The following SLCO2B1 variants were observed in gnomAD, a reference collection of about 807,000 sequenced individuals.
SLCO2B1 encodes the protein solute carrier organic anion transporter family member 2B1.
A neutral mutation model predicts 67.3 loss-of-function variants in SLCO2B1; 41 were observed. That is an observed-to-expected ratio of 0.61 (90% CI 0.47 to 0.79). SLCO2B1 has a LOEUF of 0.79. SLCO2B1 is among the 30% of genes least tolerant of loss of function. SLCO2B1 has a pLI of 0.00. For missense variants in SLCO2B1, 837 were observed against 920.1 expected, an observed-to-expected ratio of 0.91 and a Z score of 1.17; for synonymous variants, 379 against 381.4, an observed-to-expected ratio of 0.99 and a Z score of 0.07.
intron 7 of SLCO2B1, among the ~76,000 whole-genome samples, chr11:75,173,925 C>T (rs1358491206): frequency 1.3e-5 from 2 of 152,208 alleles, no homozygotes; most frequent in Admixed American, 1.3e-4. Context: ...GCCTCAGCCT[C>T]CCAAATAGCT....
In SLCO2B1 at chr11:75,196,554, G is replaced by A. The variant is rs752102813; in HGVS notation, c.1474G>A (p.Ala492Thr). Residue 492 changes from alanine to threonine, a missense_variant, in exon 10 of 14, where the codon GCC (alanine) becomes ACC (threonine). Transcript: ENST00000289575. Reference sequence around the variant, plus strand: ...GGAGCTGTCTCCAAGCTGCATGGAGGCCTGCTCCTGCCCATTGGACGGCTT... The same window carrying A: ...GGAGCTGTCTCCAAGCTGCATGGAGACCTGCTCCTGCCCATTGGACGGCTT... ...GLELSPSCME[A>T]CSCPLDGFNP... The A allele has an allele frequency of 2.7e-5, 43 of 1,613,960 alleles. No individual in the cohort carries two copies. Among genetic ancestry groups the A allele is most frequent in the Non-Finnish European group, 3.6e-5 (43 of 1,180,012 alleles).
intron 8 of SLCO2B1, among the ~76,000 whole-genome samples, chr11:75,192,053 C>T (rs578129410): frequency 2.6e-5 from 4 of 152,230 alleles, no homozygotes; most frequent in Middle Eastern, 3.4e-3. Context: ...ATTTGCCCCT[C>T]CTGGGCCCCT....
intron 7 of SLCO2B1, among the ~76,000 whole-genome samples, chr11:75,178,318 C>G (rs548395229): frequency 2.6e-5 from 4 of 152,206 alleles, no homozygotes; most frequent in South Asian, 4.2e-4. Context: ...TGAAGTGAGG[C>G]AAAGTGGTGA....
Position 75,193,566 on chromosome 11 carries a change from A to G in SLCO2B1, c.1424A>G (p.His475Arg). 6.4e-7 allele frequency: 1 copy of G among 1,554,592 alleles called. No individual in the cohort carries two copies. Among genetic ancestry groups the G allele is most frequent in the Non-Finnish European group, 8.7e-7 (1 of 1,149,760 alleles). ...CSSHQIAGIT[H>R]QTSAHPGLEL... ...AGCCACCAGATTGCGGGCATCACACACCAGACCAGGTGAGTGTGTGCGTGG... is the reference window on the plus strand; with the variant it reads ...AGCCACCAGATTGCGGGCATCACACGCCAGACCAGGTGAGTGTGTGCGTGG... The change falls in exon 9 of 14, where the codon CAC becomes CGC. Residue 475 changes from histidine (H) to arginine (R), a missense_variant. Physicochemically the swap from His to Arg is conservative, Grantham distance 29. Coordinates refer to ENST00000289575, the MANE Select transcript of SLCO2B1 (RefSeq NM_007256.5). This position sits in a 1 kb window ranked among gnomAD's most constrained non-coding sequence, Gnocchi z 4.2.
chr11:75,167,564 A>G (rs1009419235), intron 4 of SLCO2B1, among the ~76,000 whole-genome samples: 4 of 152,096 alleles, frequency 2.6e-5, no homozygotes, highest in Admixed American at 1.3e-4. Flanking sequence ...TCTTCATCCA[A>G]TACTGATGAA....
At chr11:75,160,253 C>T (rs112756527) in intron 1 of SLCO2B1, among the ~76,000 whole-genome samples, 84 of 152,346 alleles carry the variant, frequency 5.5e-4, no homozygotes, top group African/African-American at 1.9e-3. Flanking sequence ...CAGAGAAAAG[C>T]ACTGTGCTTC....
intron 1 of SLCO2B1, among the ~76,000 whole-genome samples, chr11:75,155,458 A>T (rs2851072): frequency 6.6e-6 from 1 of 151,860 alleles, no homozygotes; most frequent in Non-Finnish European, 1.5e-5. Flanking sequence ...TCAATTCAAC[A>T]ATCTTGTTCT....
At chr11:75,195,019 G>A (rs1000206200) in intron 9 of SLCO2B1, among the ~76,000 whole-genome samples, 12 of 152,268 alleles carry the variant, frequency 7.9e-5, no homozygotes, top group Admixed American at 3.9e-4. Context: ...GTCTCCCTTC[G>A]CTCAGCGTCT....
At chr11:75,171,744 T>C (rs1402487804) in intron 6 of SLCO2B1, among the ~76,000 whole-genome samples, 3 of 152,154 alleles carry the variant, frequency 2.0e-5, no homozygotes, top group Non-Finnish European at 4.4e-5. Context: ...TTGTTAAAGG[T>C]ACGGGTTCCT....
intron 1 of SLCO2B1, among the ~76,000 whole-genome samples, chr11:75,160,977 T>C (rs747069562): frequency 6.6e-6 from 1 of 151,870 alleles, no homozygotes; most frequent in Non-Finnish European, 1.5e-5. Flanking sequence ...CTGGAGGGAG[T>C]GTAAAATGGT....
intron 4 of SLCO2B1, among the ~76,000 whole-genome samples, chr11:75,168,329 A>G (rs1949917658): frequency 6.6e-6 from 1 of 152,116 alleles, no homozygotes. Flanking sequence ...CTTGGTTCAC[A>G]TGGCTCTTTG....
At chr11:75,185,203 A>T (rs1361113251) in intron 7 of SLCO2B1, among the ~76,000 whole-genome samples, 1 of 152,196 alleles carries the variant, frequency 6.6e-6, no homozygotes, top group African/African-American at 2.4e-5. Flanking sequence ...ATGTGGGGAA[A>T]TCCAGCATTT....
At chr11:75,174,965 G>C (rs961637200) in intron 7 of SLCO2B1, among the ~76,000 whole-genome samples, 3 of 152,168 alleles carry the variant, frequency 2.0e-5, no homozygotes, top group South Asian at 4.1e-4. Flanking sequence ...GCAATATCCT[G>C]TGCGCCTCAG....
rs773100890 is a variant in SLCO2B1 at position 75,203,294 on chromosome 11, C to T, written c.1829-13C>T. On this transcript the variant is annotated splice_polypyrimidine_tract_variant and intron_variant, in intron 12 of 13. Coordinates refer to ENST00000289575, the MANE Select transcript of SLCO2B1 (RefSeq NM_007256.5). ...GTGGGCCTTCATTGTCCCCTGAGCACCACCTCCCTCAGCCTGGATGCCCAG... is the reference window on the plus strand; with the variant it reads ...GTGGGCCTTCATTGTCCCCTGAGCATCACCTCCCTCAGCCTGGATGCCCAG... The T allele has an allele frequency of 6.2e-7, 1 of 1,612,160 alleles. No individual in the cohort carries two copies. The highest frequency in any genetic ancestry group is 1.7e-5 in the Admixed American group (1 of 59,998).
intron 8 of SLCO2B1, among the ~76,000 whole-genome samples, chr11:75,189,977 A>G (rs1944994079): frequency 1.3e-5 from 2 of 151,532 alleles, no homozygotes; most frequent in Admixed American, 6.6e-5. Context: ...AAAAAAAAAA[A>G]AAGACTTGAT....
chr11:75,194,853 A>T (rs1272187397), intron 9 of SLCO2B1, among the ~76,000 whole-genome samples: 1 of 152,014 alleles, frequency 6.6e-6, no homozygotes, highest in Non-Finnish European at 1.5e-5. Flanking sequence ...TTGACATCTC[A>T]TGTCACCTCT....
chr11:75,163,402 G>C (rs1949847153), intron 2 of SLCO2B1, among the ~76,000 whole-genome samples: 1 of 152,148 alleles, frequency 6.6e-6, no homozygotes, highest in Middle Eastern at 3.2e-3. Context: ...GATGTTTGGG[G>C]TGGGGTTCAG....
rs545086343 is a variant in SLCO2B1, at chr11:75,151,249, G to A, written c.-133G>A. The A allele has an allele frequency of 3.0e-5, 22 of 737,682 alleles. No individual in the cohort carries two copies. Among genetic ancestry groups the A allele is most frequent in the Admixed American group, 7.0e-5 (3 of 42,968 alleles). 45.7% of individuals were successfully genotyped at this position (737,682 alleles called of 1,614,324 possible). A position where few individuals can be genotyped will look rare whatever the true frequency, so the allele number is the denominator to read the frequency against. ...TGACCCCGTGTCTGGAGCTCCCACC[G>A]TTATTGCATCCCTGCTGTGGCTCAC... On this transcript the variant is annotated 5_prime_UTR_variant, in exon 1 of 14. Coordinates refer to ENST00000289575, the MANE Select transcript of SLCO2B1 (RefSeq NM_007256.5).
At chr11:75,185,439 G>A (rs1262341863) in intron 7 of SLCO2B1, among the ~76,000 whole-genome samples, 2 of 152,016 alleles carry the variant, frequency 1.3e-5, no homozygotes, top group African/African-American at 4.8e-5. Flanking sequence ...CCTAGTTACA[G>A]GGAGCTCGCT....
Sources: allele counts gnomAD v4.1 joint callset (sites outside exome capture counted in the v4.1 genomes callset), GRCh38; gene constraint gnomAD v4.1.1; non-coding constraint Gnocchi (gnomAD v3.1); transcripts MANE v1.5; gene names NCBI Gene and HGNC (gene_info 2026-07-23, HGNC 2026-07-21).